Variants in PHEX observed in about 807,000 individuals in gnomAD.
PHEX encodes the protein phosphate regulating endopeptidase X-linked, also known as phosphate-regulating neutral endopeptidase PHEX.
Under a neutral mutation model 68.0 loss-of-function variants are expected in PHEX, and 16 were observed. The observed-to-expected ratio is 0.24, with a 90% CI of 0.16 to 0.36. PHEX has a LOEUF of 0.36. Among genes scored for constraint, PHEX ranks in the 10% least tolerant of loss-of-function variants. PHEX has a pLI of 1.00. For missense variants in PHEX, 480 were observed against 575.5 expected (o/e 0.83, Z 1.70); for synonymous variants, 208 against 205.1 (o/e 1.01, Z -0.12).
chrX:22,227,640 G>T (rs781108008), intron 20 of PHEX, 29 bp downstream of exon 20: 2 of 1,001,762 alleles, frequency 2.0e-6, no homozygotes, highest in Non-Finnish European at 2.8e-6. Flanking sequence ...GGGCATCAGG[G>T]ATGAGATGCA....
At chrX:22,117,570 A>G (rs1602309683) in intron 11 of PHEX, among the ~76,000 whole-genome samples, 1 of 111,991 alleles carries the variant, frequency 8.9e-6, no homozygotes, top group Non-Finnish European at 1.9e-5. Context: ...AAAAACAATT[A>G]AAGGATAATG....
intron 12 of PHEX, among the ~76,000 whole-genome samples, chrX:22,145,606 A>T (rs1310648652): frequency 2.0e-5 from 2 of 101,218 alleles, no homozygotes; most frequent in Non-Finnish European, 4.0e-5. Flanking sequence ...ATAGAGCAAG[A>T]CTCTGTCTCA....
At chrX:22,058,377 A>G (rs1173830262) in intron 3 of PHEX, among the ~76,000 whole-genome samples, 1 of 112,564 alleles carries the variant, frequency 8.9e-6, no homozygotes, top group Non-Finnish European at 1.9e-5. Context: ...TTAATGTTTT[A>G]AAAGCACTTG....
At chrX:22,042,781 G>T (rs1258867413) in intron 2 of PHEX, among the ~76,000 whole-genome samples, 1 of 110,899 alleles carries the variant, frequency 9.0e-6, no homozygotes, top group Non-Finnish European at 1.9e-5. Flanking sequence ...GGAGGTTGCA[G>T]TTCAGCCTGG....
intron 5 of PHEX, among the ~76,000 whole-genome samples, chrX:22,078,326 CT>C (rs1929249615): frequency 8.9e-6 from 1 of 111,934 alleles, no homozygotes; most frequent in Admixed American, 9.5e-5. Flanking sequence ...TGTCAGAAAA[CT>C]ACCAACAGCT....
chrX:22,209,709 TTCCCTCTGCTCCCTCTGC>T (rs201089683), intron 15 of PHEX, among the ~76,000 whole-genome samples: 49 of 70,293 alleles, frequency 7.0e-4, no homozygotes, highest in African/African-American at 2.6e-3. Flanking sequence ...TCTCCCTCTC[TTCCCTCTGCTCCCTCTGC>T]TCCCTCTGCT....
intron 6 of PHEX, among the ~76,000 whole-genome samples, chrX:22,093,059 C>T (rs755309303): frequency 1.8e-5 from 2 of 111,972 alleles, no homozygotes; most frequent in Non-Finnish European, 3.8e-5. Context: ...CTATTTAAGA[C>T]TCTTTTCAAA....
chrX:22,080,744 G>C (rs1303355423), intron 5 of PHEX, among the ~76,000 whole-genome samples: 1 of 111,607 alleles, frequency 9.0e-6, no homozygotes, highest in Non-Finnish European at 1.9e-5. Flanking sequence ...AAAAATAATA[G>C]GCTTTGGTAT....
chrX:22,163,364 T>G (rs1483766674), intron 12 of PHEX: 1 of 111,345 alleles, frequency 9.0e-6, no homozygotes, highest in Admixed American at 9.6e-5. Context: ...CTGAGCAGAA[T>G]TGGAGTCCTG....
At chrX:22,139,734 C>G (rs1016856778) in intron 12 of PHEX, among the ~76,000 whole-genome samples, 1 of 104,061 alleles carries the variant, frequency 9.6e-6, no homozygotes, top group Non-Finnish European at 2.0e-5. Flanking sequence ...GAGATGGGAT[C>G]TCACTGTGTT....
intron 2 of PHEX, among the ~76,000 whole-genome samples, chrX:22,042,637 T>G (rs918218344): frequency 9.0e-6 from 1 of 110,987 alleles, no homozygotes; most frequent in African/African-American, 3.3e-5. Flanking sequence ...ATACAAAAAT[T>G]AGCCAGGCGT....
At chrX:22,041,957 G>GA (rs1261170550) in intron 2 of PHEX, among the ~76,000 whole-genome samples, 1 of 110,724 alleles carries the variant, frequency 9.0e-6, no homozygotes. Context: ...TTCTAATGTT[G>GA]AAAAAAAATA....
At chrX:22,183,454 G>A (rs1322645965) in intron 14 of PHEX, among the ~76,000 whole-genome samples, 1 of 111,750 alleles carries the variant, frequency 8.9e-6, no homozygotes, top group Non-Finnish European at 1.9e-5. Context: ...AAAAATGATA[G>A]ATAATGGTTT....
At chrX:22,124,237 C>T (rs9306764) in intron 11 of PHEX, among the ~76,000 whole-genome samples, 31,460 of 111,307 alleles carry the variant, frequency 0.28, 7,349 homozygotes, top group African/African-American at 0.79. Flanking sequence ...ATGCAATCTT[C>T]GGTCAAGTAA....
chrX:22,133,231 C>T (rs760075607), intron 11 of PHEX, among the ~76,000 whole-genome samples: 12 of 110,629 alleles, frequency 1.1e-4, no homozygotes, highest in East Asian at 8.5e-4. Context: ...ATGTTGTCCG[C>T]GCTGGTCTCA....
At chrX:22,224,684 T>C (rs1160570947) in intron 18 of PHEX, among the ~76,000 whole-genome samples, 1 of 111,054 alleles carries the variant, frequency 9.0e-6, no homozygotes, top group African/African-American at 3.3e-5. Flanking sequence ...CTCATACGAC[T>C]GTGGATAACA....
intron 13 of PHEX, among the ~76,000 whole-genome samples, chrX:22,176,384 C>CAAA (rs61277745): frequency 2.7e-5 from 2 of 73,916 alleles, no homozygotes; most frequent in Admixed American, 1.9e-4. Context: ...GAGACTGTCT[C>CAAA]AAAAAAAAAA....
intron 12 of PHEX, among the ~76,000 whole-genome samples, chrX:22,138,921 A>G (rs1319902862): frequency 9.0e-6 from 1 of 111,165 alleles, no homozygotes; most frequent in Non-Finnish European, 1.9e-5. Context: ...CTTTGGCTCT[A>G]TGTCTCTCTC....
At chrX:22,154,885 T>A (rs1932916636) in intron 12 of PHEX, among the ~76,000 whole-genome samples, 1 of 112,058 alleles carries the variant, frequency 8.9e-6, no homozygotes, top group Non-Finnish European at 1.9e-5. Context: ...TCCCTTCTTT[T>A]AGAAAAATGA....
Sources: gnomAD v4.1 joint callset for allele counts (sites outside exome capture counted in the v4.1 genomes callset) on GRCh38, gnomAD v4.1.1 for gene constraint, MANE v1.5 for transcripts, NCBI Gene and HGNC (gene_info 2026-07-23, HGNC 2026-07-21) for gene names.